Variants in SPIRE1 observed in about 807,000 individuals in gnomAD.
SPIRE1 encodes protein spire homolog 1.
A neutral mutation model predicts 94.1 loss-of-function variants in SPIRE1; 40 were observed. That is an observed-to-expected ratio of 0.43 (90% confidence interval 0.33 to 0.55). SPIRE1 has a LOEUF of 0.55. Among genes scored for constraint, SPIRE1 ranks in the 20% least tolerant of loss-of-function variants. SPIRE1 has a pLI of 0.06. For missense variants in SPIRE1, 838 were observed against 975.2 expected (o/e 0.86, Z 1.87); for synonymous variants, 376 against 371.7 (o/e 1.01, Z -0.13).
chr18:12,619,463 G>A (rs148487217), intron 2 of SPIRE1, among the ~76,000 whole-genome samples: 9 of 152,112 alleles, frequency 5.9e-5, no homozygotes, highest in African/African-American at 2.2e-4. Flanking sequence ...AGCTGAGATC[G>A]TGCCACTGAA....
intron 2 of SPIRE1, among the ~76,000 whole-genome samples, chr18:12,595,736 G>C (rs767134828): frequency 2.0e-5 from 3 of 152,224 alleles, no homozygotes; most frequent in Non-Finnish European, 4.4e-5. Flanking sequence ...AAGTGGAATA[G>C]ACAAACACAT....
intron 7 of SPIRE1, among the ~76,000 whole-genome samples, chr18:12,495,344 T>A (rs543623345): frequency 6.6e-6 from 1 of 152,110 alleles, no homozygotes; most frequent in African/African-American, 2.4e-5. Flanking sequence ...ATAATTAACA[T>A]AGAAATGGAT....
chr18:12,546,052 T>G (rs1328847748), intron 3 of SPIRE1, among the ~76,000 whole-genome samples: 2 of 152,044 alleles, frequency 1.3e-5, no homozygotes, highest in Admixed American at 1.3e-4. Flanking sequence ...TGCAGTGGCG[T>G]GATCTCAGCT....
rs964827317 is a variant in SPIRE1, at chr18:12,588,592, C to T, written c.373-41688G>A. On this transcript the variant is annotated intron_variant, in intron 2 of 16. Coordinates refer to ENST00000409402, the MANE Select transcript of SPIRE1 (RefSeq NM_001128626.2). ...TCACTTTCCAGTTCACAAATGCTCTCCTTGTCTCACTTTAAAAAAAAAAAA... is the reference window on the plus strand; with the variant it reads ...TCACTTTCCAGTTCACAAATGCTCTTCTTGTCTCACTTTAAAAAAAAAAAA... 2.9e-5 allele frequency among the ~76,000 whole-genome samples: 4 copies of T among 138,566 alleles called. No individual in the cohort carries two copies. The South Asian group carries it at 9.8e-4, about 34-fold the overall frequency. 90.9% of individuals were successfully genotyped at this position (138,566 alleles called of 152,430 possible).
intron 6 of SPIRE1, among the ~76,000 whole-genome samples, chr18:12,498,060 T>C (rs961638077): frequency 3.3e-5 from 5 of 152,198 alleles, no homozygotes; most frequent in African/African-American, 1.2e-4. Flanking sequence ...TCCAAATGCT[T>C]GGGACTAGAG....
chr18:12,529,241 C>G (rs534898322), intron 4 of SPIRE1, among the ~76,000 whole-genome samples: 17 of 151,978 alleles, frequency 1.1e-4, no homozygotes, highest in African/African-American at 3.9e-4. Flanking sequence ...TGGTGGCGGG[C>G]GCCTGTAGTC....
Position 12,559,407 on chromosome 18 carries a change from A to C in SPIRE1, c.373-12503T>G, listed in dbSNP as rs967293056. Among the ~76,000 whole-genome samples the C allele has an allele frequency of 6.6e-6, 1 of 152,090 alleles. No homozygotes were observed. Among genetic ancestry groups the C allele is most frequent in the Non-Finnish European group, 1.5e-5 (1 of 67,994 alleles). Reference sequence around the variant, plus strand: ...GTGCTGGCCGGGCGAGACTGCACCCACCCGGAACTCGTGCTGGCCTGCGAA... The same window carrying C: ...GTGCTGGCCGGGCGAGACTGCACCCCCCCGGAACTCGTGCTGGCCTGCGAA... On this transcript the variant is annotated intron_variant, in intron 2 of 16. Coordinates refer to ENST00000409402, the MANE Select transcript of SPIRE1 (RefSeq NM_001128626.2). This position sits in a 1 kb window ranked among gnomAD's most constrained non-coding sequence, Gnocchi z 4.7.
chr18:12,638,903 C>A (rs2038009432), intron 1 of SPIRE1, among the ~76,000 whole-genome samples: 1 of 152,154 alleles, frequency 6.6e-6, no homozygotes, highest in Admixed American at 6.5e-5. Context: ...GCCTCCCCAG[C>A]CATGCTTCCT....
At chr18:12,654,336 C>CAAAAAAAA (rs199897679) in intron 1 of SPIRE1, among the ~76,000 whole-genome samples, 1 of 98,996 alleles carries the variant, frequency 1.0e-5, no homozygotes, top group Non-Finnish European at 1.9e-5. Context: ...GACTCCACCT[C>CAAAAAAAA]AAAAAAAAAA....
At chr18:12,528,576 G>A (rs2034591065) in intron 4 of SPIRE1, among the ~76,000 whole-genome samples, 1 of 152,164 alleles carries the variant, frequency 6.6e-6, no homozygotes, top group African/African-American at 2.4e-5. Context: ...GATGAATGGT[G>A]AATGAAGAGC....
At chr18:12,474,394 T>C (rs144971952) in intron 10 of SPIRE1, among the ~76,000 whole-genome samples, 422 of 152,262 alleles carry the variant, frequency 2.8e-3, no homozygotes, top group Non-Finnish European at 4.6e-3. Context: ...CTATGAGGCC[T>C]TCAGGAGGCC....
chr18:12,453,493 G>A (rs2031346790), intron 13 of SPIRE1, among the ~76,000 whole-genome samples: 1 of 150,192 alleles, frequency 6.7e-6, no homozygotes, highest in Non-Finnish European at 1.5e-5. Context: ...GAGTGCAATG[G>A]CATGATCTTG....
intron 2 of SPIRE1, among the ~76,000 whole-genome samples, chr18:12,569,633 C>T (rs1346787124): frequency 2.6e-5 from 2 of 77,550 alleles, no homozygotes; most frequent in Non-Finnish European, 7.2e-5. Flanking sequence ...AAAACAACAA[C>T]AACAAAAAAA....
chr18:12,650,326 A>G (rs1021416135), intron 1 of SPIRE1, among the ~76,000 whole-genome samples: 1 of 152,186 alleles, frequency 6.6e-6, no homozygotes, highest in Non-Finnish European at 1.5e-5. Context: ...TGGTAGGCCA[A>G]CGTGGGCAAA....
intron 2 of SPIRE1, among the ~76,000 whole-genome samples, chr18:12,615,421 T>A (rs2144709614): frequency 7.3e-6 from 1 of 136,504 alleles, no homozygotes; most frequent in South Asian, 2.5e-4. Flanking sequence ...GCGCCTGTAG[T>A]TCCAGCTACT....
intron 2 of SPIRE1, among the ~76,000 whole-genome samples, chr18:12,566,303 TCCA>T (rs2035819823): frequency 6.6e-6 from 1 of 152,084 alleles, no homozygotes; most frequent in South Asian, 2.1e-4. Context: ...AACACTGCAC[TCCA>T]GCCTGGGCCA....
chr18:12,491,400 A>G (rs1054329572), intron 8 of SPIRE1, among the ~76,000 whole-genome samples: 2 of 152,046 alleles, frequency 1.3e-5, no homozygotes, highest in Non-Finnish European at 2.9e-5. Context: ...AATATATTAT[A>G]AAGTTACAAT....
At chr18:12,472,342 C>T (rs1470386962) in intron 10 of SPIRE1, among the ~76,000 whole-genome samples, 1 of 150,716 alleles carries the variant, frequency 6.6e-6, no homozygotes, top group Non-Finnish European at 1.5e-5. Flanking sequence ...AATACAAAAC[C>T]ATTATAGCGA....
At position 12,657,571 on chromosome 18, in the gene SPIRE1, G is replaced by T; in HGVS notation, c.296C>A (p.Ala99Glu). 8.1e-7 allele frequency: 1 copy of T among 1,239,614 alleles called. No individual in the cohort carries two copies. The highest frequency in any genetic ancestry group is 1.0e-6 in the Non-Finnish European group (1 of 992,306). 76.8% of individuals were successfully genotyped at this position (1,239,614 alleles called of 1,614,324 possible). Residue 99 changes from alanine (A) to glutamate (E), a missense_variant, in exon 1 of 17, where the codon GCG becomes GAG. Coordinates refer to ENST00000409402, the MANE Select transcript of SPIRE1 (RefSeq NM_001128626.2). ...CTCTCCCGCGTCGTCGGCCGCGGGC[G>T]CCAGGGTGACGGCGCCGTCCCTCCA... ...RVWRDGAVTL[A>E]PAADDAGEPP...
Sources: gnomAD v4.1 joint callset for allele counts (sites outside exome capture counted in the v4.1 genomes callset) on GRCh38, gnomAD v4.1.1 for gene constraint, Gnocchi (gnomAD v3.1) non-coding constraint, MANE v1.5 for transcripts, NCBI Gene and HGNC (gene_info 2026-07-23, HGNC 2026-07-21) for gene names.